Variants in RB1 observed in about 807,000 individuals in gnomAD.
RB1 encodes the protein RB transcriptional corepressor 1.
In RB1, 18 loss-of-function variants were observed where a neutral mutation model predicts 135.4. That is an observed-to-expected ratio of 0.13 (90% CI 0.09 to 0.20). The LOEUF is 0.20. RB1 is among the 10% of genes least tolerant of loss of function. The pLI is 1.00. For missense variants in RB1, 868 were observed against 1,110.0 expected (o/e 0.78, Z 3.10); for synonymous variants, 365 against 373.2 (o/e 0.98, Z 0.25).
At chr13:48,357,694 AC>A (rs2138104594) in intron 6 of RB1, among the ~76,000 whole-genome samples, 1 of 152,068 alleles carries the variant, frequency 6.6e-6, no homozygotes, top group East Asian at 1.9e-4. Context: ...TGGTGATGCT[AC>A]CCTCTTATCT....
chr13:48,308,611 C>G (rs987701089), intron 2 of RB1, among the ~76,000 whole-genome samples: 1 of 151,840 alleles, frequency 6.6e-6, no homozygotes, highest in African/African-American at 2.4e-5. Flanking sequence ...CGTGATCATG[C>G]CACTGCACTC....
At chr13:48,397,648 A>C (rs1204146994) in intron 17 of RB1, among the ~76,000 whole-genome samples, 2 of 152,330 alleles carry the variant, frequency 1.3e-5, no homozygotes, top group African/African-American at 4.8e-5. Flanking sequence ...ATAATAAAAA[A>C]ACAGAAAATA....
chr13:48,401,145 G>T (rs1427593615), intron 17 of RB1, among the ~76,000 whole-genome samples: 1 of 152,160 alleles, frequency 6.6e-6, no homozygotes, highest in Non-Finnish European at 1.5e-5. Flanking sequence ...AAGAAGGGAA[G>T]TAGCAATGGT....
chr13:48,476,588 T>C, intron 24 of RB1, 113 bp from the exon 25 acceptor site: 1 of 1,102,694 alleles, frequency 9.1e-7, no homozygotes. Context: ...AAAATTTAAA[T>C]GAAGTTATTA....
chr13:48,406,758 A>T (rs553227389), intron 17 of RB1: 1 of 152,328 alleles, frequency 6.6e-6, no homozygotes, highest in East Asian at 1.9e-4. Context: ...AGTAAAAACA[A>T]AGAATCTGGG....
chr13:48,422,091 A>ATAG (rs1949014467), intron 17 of RB1, among the ~76,000 whole-genome samples: 2 of 152,232 alleles, frequency 1.3e-5, no homozygotes, highest in Admixed American at 6.5e-5. Context: ...AGCAGTATTT[A>ATAG]CAATAGCAAA....
At chr13:48,443,895 A>C (rs907022854) in intron 17 of RB1, among the ~76,000 whole-genome samples, 1 of 152,186 alleles carries the variant, frequency 6.6e-6, no homozygotes, top group Non-Finnish European at 1.5e-5. Context: ...GAACATAGTG[A>C]TGTGTAGGAA....
intron 2 of RB1, among the ~76,000 whole-genome samples, chr13:48,335,472 A>G (rs1261244361): frequency 1.3e-5 from 2 of 151,988 alleles, no homozygotes; most frequent in African/African-American, 4.8e-5. Context: ...ACTCAACTCT[A>G]TTTTTACTTG....
At position 48,456,313 on chromosome 13, in the gene RB1, T is replaced by C. The variant is rs1949359922; in HGVS notation, c.1924T>C (p.Leu642=). 1 of 1,614,198 alleles carries C rather than the reference T, an allele frequency of 6.2e-7. No homozygotes were observed. The highest frequency in any genetic ancestry group is 8.5e-7 in the Non-Finnish European group (1 of 1,180,034). Residue 642 remains leucine, a synonymous_variant, in exon 19 of 27, where the codon TTG becomes CTG. Transcript: ENST00000267163. ...CTCAGCCTTCCAGACCCAGAAGCCA[T>C]TGAAATCTACCTCTCTTTCACTGTT... ...ATSAFQTQKP[L]KSTSLSLFYK...
chr13:48,400,661 A>G (rs1948684013), intron 17 of RB1, among the ~76,000 whole-genome samples: 1 of 152,140 alleles, frequency 6.6e-6, no homozygotes, highest in African/African-American at 2.4e-5. Flanking sequence ...CAGAGATGTC[A>G]TGTAACTTGC....
chr13:48,342,777 C>T, intron 3 of RB1, 63 bp downstream of exon 3: 1 of 1,150,574 alleles, frequency 8.7e-7, no homozygotes, highest in Non-Finnish European at 1.3e-6. Flanking sequence ...GGATTTTCCT[C>T]TCAATAGACT....
At chr13:48,387,632 T>C (rs527274030) in intron 17 of RB1, among the ~76,000 whole-genome samples, 2 of 152,226 alleles carry the variant, frequency 1.3e-5, no homozygotes, top group African/African-American at 4.8e-5. Flanking sequence ...ATTATTGTAG[T>C]CAATTTTATA....
intron 6 of RB1, among the ~76,000 whole-genome samples, chr13:48,359,623 G>A (rs1410436881): frequency 4.0e-5 from 6 of 148,276 alleles, no homozygotes; most frequent in Non-Finnish European, 9.0e-5. Context: ...TATAAAATTA[G>A]AATTAAAGAT....
At chr13:48,384,065 T>C in intron 17 of RB1, among the ~76,000 whole-genome samples, 1 of 152,284 alleles carries the variant, frequency 6.6e-6, no homozygotes, top group Non-Finnish European at 1.5e-5. Context: ...CTCAAGCCTG[T>C]TTAGCTCAGT....
At chr13:48,376,837 A>C in intron 12 of RB1, 81 bp from the exon 13 acceptor site, 2 of 1,593,542 alleles carry the variant, frequency 1.3e-6, no homozygotes, top group East Asian at 4.5e-5. Flanking sequence ...CAATTTAAAA[A>C]GTCATATATT....
chr13:48,376,125 G>A (rs1366797946), intron 12 of RB1, among the ~76,000 whole-genome samples: 1 of 151,888 alleles, frequency 6.6e-6, no homozygotes, highest in African/African-American at 2.4e-5. Context: ...AACTTCTTTT[G>A]CAACAATTTC....
chr13:48,415,800 T>C (rs907899746), intron 17 of RB1: 4 of 152,226 alleles, frequency 2.6e-5, no homozygotes, highest in African/African-American at 7.2e-5. Context: ...GGAAGAGCCA[T>C]AGCAGAGGGA....
At chr13:48,309,070 C>G (rs937683596) in intron 2 of RB1, among the ~76,000 whole-genome samples, 1 of 152,030 alleles carries the variant, frequency 6.6e-6, no homozygotes, top group Non-Finnish European at 1.5e-5. Context: ...ATGTAATAAA[C>G]ATTTGTATTC....
At chr13:48,400,909 A>G (rs575563896) in intron 17 of RB1, among the ~76,000 whole-genome samples, 4 of 152,254 alleles carry the variant, frequency 2.6e-5, no homozygotes, top group South Asian at 2.1e-4. Flanking sequence ...TTGGCTTACT[A>G]TAAGTACAGA....
Sources: gnomAD v4.1 joint callset for allele counts (sites outside exome capture counted in the v4.1 genomes callset) on GRCh38, gnomAD v4.1.1 for gene constraint, MANE v1.5 for transcripts, NCBI Gene and HGNC (gene_info 2026-07-23, HGNC 2026-07-21) for gene names.